The following SPATA13 variants were observed in gnomAD, a reference collection of about 807,000 sequenced individuals.
SPATA13 encodes spermatogenesis associated 13, also known as spermatogenesis-associated protein 13.
SPATA13 carries 50 observed loss-of-function variants against 104.0 expected under a neutral mutation model. That is an observed-to-expected ratio of 0.48 (90% CI 0.38 to 0.61). The LOEUF is 0.61. Ranked by LOEUF, SPATA13 falls within the 20% of genes least tolerant of loss-of-function variation. The pLI, the probability that SPATA13 is intolerant of heterozygous loss-of-function variation, is 0.00. For synonymous variants in SPATA13, 606 were observed against 667.5 expected (o/e 0.91, Z 1.42); for missense variants, 1,524 against 1,690.6 (o/e 0.90, Z 1.73).
chr13:24,130,666 T>C (rs545056594), intron 3 of SPATA13, among the ~76,000 whole-genome samples: 3 of 152,342 alleles, frequency 2.0e-5, no homozygotes, highest in Admixed American at 2.0e-4. Flanking sequence ...TTCTTTGTGC[T>C]GATAACATGC....
intron 2 of SPATA13, among the ~76,000 whole-genome samples, chr13:23,987,391 A>G (rs1875201380): frequency 6.6e-6 from 1 of 152,188 alleles, no homozygotes; most frequent in Non-Finnish European, 1.5e-5. Context: ...AATAGTTCCC[A>G]TGATGGTGGA....
chr13:24,075,146 T>G (rs1349353224), intron 3 of SPATA13, among the ~76,000 whole-genome samples: 1 of 152,256 alleles, frequency 6.6e-6, no homozygotes, highest in African/African-American at 2.4e-5. Context: ...AGGCCTTTCT[T>G]GACCACCCAG....
chr13:24,019,090 A>G (rs796083947), intron 3 of SPATA13, among the ~76,000 whole-genome samples: 1 of 138,380 alleles, frequency 7.2e-6, no homozygotes, highest in African/African-American at 2.6e-5. Context: ...TATTATTATT[A>G]TTATTTTTTT....
intron 3 of SPATA13, among the ~76,000 whole-genome samples, chr13:24,250,550 C>A (rs891069843): frequency 3.3e-5 from 5 of 152,176 alleles, no homozygotes; most frequent in Non-Finnish European, 5.9e-5. Flanking sequence ...TGCCCACTTT[C>A]ATTTTTAAAA....
At chr13:24,284,374 C>T in intron 5 of SPATA13, 103 bp downstream of exon 5, 1 of 1,273,632 alleles carries the variant, frequency 7.9e-7, no homozygotes, top group Non-Finnish European at 1.1e-6. Context: ...CTAAGCATGT[C>T]CGAAAACCTG....
intron 3 of SPATA13, among the ~76,000 whole-genome samples, chr13:24,037,765 T>C (rs1877756340): frequency 6.6e-6 from 1 of 152,000 alleles, no homozygotes; most frequent in African/African-American, 2.4e-5. Context: ...GATCGGAGTT[T>C]CTTAATCTGG....
chr13:24,174,898 T>G lies in SPATA13; in HGVS notation c.-112+13966T>G, dbSNP rs185603746. 3.3e-5 allele frequency among the ~76,000 whole-genome samples: 5 copies of G among 152,340 alleles called. No individual in the cohort carries two copies. In the East Asian group the frequency reaches 9.6e-4, roughly 29 times the overall value. On this transcript the variant is annotated intron_variant, in intron 1 of 12. Transcript: ENST00000382108. ...CCAGCCTAAAAGTTTCCCTTTAGAG[T>G]TCCCCCTTGACTTGTGGATTATTTA...
chr13:24,013,926 G>A (rs917634191), intron 2 of SPATA13, among the ~76,000 whole-genome samples: 1 of 152,168 alleles, frequency 6.6e-6, no homozygotes, highest in African/African-American at 2.4e-5. Flanking sequence ...CTTTCTGACT[G>A]CAGAGCCTGT....
At chr13:23,995,830 G>A (rs922517138) in intron 2 of SPATA13, among the ~76,000 whole-genome samples, 1 of 152,110 alleles carries the variant, frequency 6.6e-6, no homozygotes, top group Admixed American at 6.5e-5. Context: ...TGTTTCCTGA[G>A]AACTGGGGAA....
At chr13:24,018,705 T>A (rs1039891559) in intron 3 of SPATA13, among the ~76,000 whole-genome samples, 1 of 152,234 alleles carries the variant, frequency 6.6e-6, no homozygotes, top group African/African-American at 2.4e-5. Flanking sequence ...CATTGACTTT[T>A]CATTTGCTAT....
At chr13:24,094,499 C>T (rs943082088) in intron 3 of SPATA13, among the ~76,000 whole-genome samples, 42 of 152,166 alleles carry the variant, frequency 2.8e-4, no homozygotes, top group African/African-American at 1.7e-4. Flanking sequence ...AATACTGTGA[C>T]GGGACAAAGC....
intron 3 of SPATA13, among the ~76,000 whole-genome samples, chr13:24,029,245 ATACTT>A (rs1215659580): frequency 2.0e-5 from 3 of 152,308 alleles, no homozygotes; most frequent in African/African-American, 2.4e-5. Flanking sequence ...TTTCGTGGGA[ATACTT>A]TAAAGTCTGG....
chr13:24,257,056 T>G (rs903253589), intron 4 of SPATA13, among the ~76,000 whole-genome samples: 1 of 152,264 alleles, frequency 6.6e-6, no homozygotes. Context: ...AATTTTTTTG[T>G]ACTTAACATT....
At chr13:24,070,111 C>G (rs554305775) in intron 3 of SPATA13, among the ~76,000 whole-genome samples, 1 of 152,312 alleles carries the variant, frequency 6.6e-6, no homozygotes, top group South Asian at 2.1e-4. Context: ...ATACTGACTG[C>G]TTGCTTGGAG....
intron 3 of SPATA13, among the ~76,000 whole-genome samples, chr13:24,155,491 C>T (rs1053846834): frequency 1.3e-5 from 2 of 152,118 alleles, no homozygotes; most frequent in African/African-American, 2.4e-5. Context: ...AGTCCACACA[C>T]ACTCTCGGTG....
upstream of SPATA13, among the ~76,000 whole-genome samples, chr13:24,159,096 G>GAGAT (rs1457838440): frequency 3.4e-5 from 4 of 118,866 alleles, no homozygotes; most frequent in African/African-American, 9.0e-5. Flanking sequence ...TAATTCTAAA[G>GAGAT]AGATAATAAA....
At chr13:24,269,351 G>A (rs1566181701) in intron 4 of SPATA13, among the ~76,000 whole-genome samples, 1 of 151,848 alleles carries the variant, frequency 6.6e-6, no homozygotes, top group East Asian at 1.9e-4. Flanking sequence ...ACTATCACTT[G>A]TTTAACATGT....
upstream of SPATA13, among the ~76,000 whole-genome samples, chr13:24,157,570 GA>G (rs1882300245): frequency 6.6e-6 from 1 of 152,300 alleles, no homozygotes; most frequent in African/African-American, 2.4e-5. Flanking sequence ...AAAGTGCTGG[GA>G]TTACAGGCGT....
At chr13:24,124,663 G>A (rs753900137) in intron 3 of SPATA13, among the ~76,000 whole-genome samples, 7 of 152,108 alleles carry the variant, frequency 4.6e-5, no homozygotes, top group Non-Finnish European at 5.9e-5. Context: ...TTCCAAGTTT[G>A]GTTTAGCAAT....
Sources: allele counts gnomAD v4.1 joint callset (sites outside exome capture counted in the v4.1 genomes callset), GRCh38; gene constraint gnomAD v4.1.1; transcripts MANE v1.5; gene names NCBI Gene and HGNC (gene_info 2026-07-23, HGNC 2026-07-21).